The following IGFBP7 variants were observed in gnomAD, a reference collection of about 807,000 sequenced individuals.
IGFBP7 encodes the protein insulin like growth factor binding protein 7.
In IGFBP7, 31 loss-of-function variants were observed where a neutral mutation model predicts 29.4. The observed-to-expected ratio is 1.05, with a 90% CI of 0.79 to 1.42. The LOEUF (loss-of-function observed/expected upper bound fraction) is 1.42. Ranked by LOEUF, IGFBP7 falls within the 40% of genes most tolerant of loss-of-function variation. The pLI is 0.00. For missense variants in IGFBP7, 393 were observed against 395.5 expected, an observed-to-expected ratio of 0.99 and a Z score of 0.05; for synonymous variants, 172 against 174.9, an observed-to-expected ratio of 0.98 and a Z score of 0.13.
intron 1 of IGFBP7, among the ~76,000 whole-genome samples, chr4:57,092,392 T>G (rs956392191): frequency 6.6e-6 from 1 of 152,288 alleles, no homozygotes; most frequent in Admixed American, 6.5e-5. Flanking sequence ...CCTGGTAATA[T>G]TAGATGCAAA....
chr4:57,063,678 G>A (rs1724849702), intron 1 of IGFBP7, among the ~76,000 whole-genome samples: 1 of 152,146 alleles, frequency 6.6e-6, no homozygotes, highest in African/African-American at 2.4e-5. Flanking sequence ...AAAGATTCAA[G>A]TGCAGAGATT....
chr4:57,032,307 T>C, intron 4 of IGFBP7, 119 bp downstream of exon 4: 1 of 1,485,386 alleles, frequency 6.7e-7, no homozygotes, highest in Non-Finnish European at 9.0e-7. Context: ...AATGCCCTTA[T>C]GGGTTGCTAA....
At chr4:57,071,832 G>C (rs1725059095) in intron 1 of IGFBP7, among the ~76,000 whole-genome samples, 2 of 152,212 alleles carry the variant, frequency 1.3e-5, no homozygotes, top group South Asian at 4.2e-4. Context: ...GGGTAAGGGA[G>C]GTGATTATTA....
chr4:57,066,191 A>T (rs557142175), intron 1 of IGFBP7, among the ~76,000 whole-genome samples: 2 of 152,314 alleles, frequency 1.3e-5, no homozygotes, highest in Admixed American at 1.3e-4. Context: ...CTTGAATAAA[A>T]TACAGTGGGA....
intron 1 of IGFBP7, among the ~76,000 whole-genome samples, chr4:57,090,300 G>A (rs1469586343): frequency 6.6e-6 from 1 of 152,152 alleles, no homozygotes; most frequent in Admixed American, 6.5e-5. Context: ...CATGAGAAAC[G>A]TAGTATTTCC....
intron 1 of IGFBP7, chr4:57,073,012 C>T (rs1614552): frequency 0.77 from 812,569 of 1,053,838 alleles, 315,121 homozygotes; most frequent in East Asian, 0.89. Context: ...GCCTTCGAGG[C>T]AAACCCAACA....
At chr4:57,050,490 C>T (rs369806673) in intron 1 of IGFBP7, among the ~76,000 whole-genome samples, 14 of 151,934 alleles carry the variant, frequency 9.2e-5, no homozygotes, top group Admixed American at 8.5e-4. Flanking sequence ...GGTGATCCAC[C>T]TGCCTCAGCC....
intron 1 of IGFBP7, among the ~76,000 whole-genome samples, chr4:57,042,591 C>G (rs1455451872): frequency 6.6e-6 from 1 of 152,164 alleles, no homozygotes; most frequent in African/African-American, 2.4e-5. Context: ...CAAGCGATCC[C>G]CCCACCTTGG....
At chr4:57,099,408 A>G (rs1024255197) in intron 1 of IGFBP7, among the ~76,000 whole-genome samples, 10 of 152,140 alleles carry the variant, frequency 6.6e-5, no homozygotes, top group African/African-American at 2.2e-4. Flanking sequence ...AATTCCTTAG[A>G]CCATAGCTTA....
At chr4:57,065,311 C>A (rs1162848188) in intron 1 of IGFBP7, among the ~76,000 whole-genome samples, 1 of 152,198 alleles carries the variant, frequency 6.6e-6, no homozygotes, top group East Asian at 1.9e-4. Context: ...AGAGCTGGAG[C>A]AAAAGAGATG....
intron 1 of IGFBP7, among the ~76,000 whole-genome samples, chr4:57,094,858 C>A (rs923578091): frequency 6.6e-6 from 1 of 152,214 alleles, no homozygotes; most frequent in African/African-American, 2.4e-5. Context: ...AATTGCCTCC[C>A]CCAAATCAAA....
rs114525155 is a variant in IGFBP7, at chr4:57,067,594, C to A, written c.476-26661G>T. ...TCAATGGGTATAAAATTCTAGAGAC[C>A]TGCTGTACAGCAATGTGCTTATAGT... On this transcript the variant is annotated intron_variant, in intron 1 of 4. Transcript: ENST00000295666. Among the ~76,000 whole-genome samples the A allele has an allele frequency of 3.1e-3, 472 of 152,184 alleles. 1 individual carries two copies. Among genetic ancestry groups the A allele is most frequent in the African/African-American group, 0.011 (458 of 41,512 alleles).
At chr4:57,066,421 G>A (rs939164403) in intron 1 of IGFBP7, among the ~76,000 whole-genome samples, 1 of 152,142 alleles carries the variant, frequency 6.6e-6, no homozygotes, top group African/African-American at 2.4e-5. Context: ...GACACTCCAG[G>A]CCAGAACCAC....
chr4:57,086,732 A>C (rs762660538), intron 1 of IGFBP7, among the ~76,000 whole-genome samples: 2 of 151,974 alleles, frequency 1.3e-5, no homozygotes, highest in Non-Finnish European at 2.9e-5. Context: ...TTACCATCTT[A>C]TTTTTTATTT....
At position 57,049,302 on chromosome 4, in the gene IGFBP7, A is replaced by G. The variant is rs1379771892; in HGVS notation, c.476-8369T>C. Reference sequence around the variant, plus strand: ...GGTCAAAAGTCAAATTACCCCCAATAATCATTTCTGTCCTCCAATATCATA... The same window carrying G: ...GGTCAAAAGTCAAATTACCCCCAATGATCATTTCTGTCCTCCAATATCATA... On this transcript the variant is annotated intron_variant, in intron 1 of 4. Transcript: ENST00000295666. Among the ~76,000 whole-genome samples, 5 of 152,086 alleles carry G rather than the reference A, an allele frequency of 3.3e-5. No individual in the cohort carries two copies. In the South Asian group the frequency reaches 8.3e-4, roughly 25 times the overall value.
chr4:57,109,920 C>T lies in IGFBP7; in HGVS notation c.432G>A (p.Gly144=), dbSNP rs1578658616. ...TGCTGACCTGGGTGATGGCCTTCTCCCCGCGGCTCTCGGCCCTCTGGCTGG... is the reference window on the plus strand; with the variant it reads ...TGCTGACCTGGGTGATGGCCTTCTCTCCGCGGCTCTCGGCCCTCTGGCTGG... ...RAASQRAESR[G]EKAITQVSKG... The change falls in exon 1 of 5, where the codon GGG becomes GGA. Residue 144 remains glycine, a synonymous_variant. Coordinates refer to ENST00000295666, the MANE Select transcript of IGFBP7 (RefSeq NM_001553.3). 1.3e-6 allele frequency: 2 copies of T among 1,557,794 alleles called. No homozygotes were observed. The highest frequency in any genetic ancestry group is 1.2e-5 in the South Asian group (1 of 85,486).
intron 1 of IGFBP7, among the ~76,000 whole-genome samples, chr4:57,064,611 G>C (rs537346609): frequency 1.3e-5 from 2 of 152,298 alleles, no homozygotes; most frequent in East Asian, 3.9e-4. Context: ...TGGGTGACAA[G>C]AGAAAGTATA....
chr4:57,076,695 T>G (rs1012908792), intron 1 of IGFBP7, among the ~76,000 whole-genome samples: 1 of 152,108 alleles, frequency 6.6e-6, no homozygotes, highest in Non-Finnish European at 1.5e-5. Flanking sequence ...AAGCCTGGGG[T>G]GGGGACACAC....
intron 1 of IGFBP7, among the ~76,000 whole-genome samples, chr4:57,041,680 C>T (rs1330519743): frequency 6.6e-6 from 1 of 152,048 alleles, no homozygotes; most frequent in Non-Finnish European, 1.5e-5. Context: ...GGACTATAGG[C>T]GTGCACCACC....
Sources: allele counts gnomAD v4.1 joint callset (sites outside exome capture counted in the v4.1 genomes callset), GRCh38; gene constraint gnomAD v4.1.1; transcripts MANE v1.5; gene names NCBI Gene and HGNC (gene_info 2026-07-23, HGNC 2026-07-21).